The following RPTOR variants were observed in gnomAD, a reference collection of about 807,000 sequenced individuals.
RPTOR encodes regulatory-associated protein of mTOR.
In RPTOR, 21 loss-of-function variants were observed where a neutral mutation model predicts 169.9. The observed-to-expected ratio is 0.12, with a 90% CI of 0.09 to 0.18. The LOEUF is 0.18. Among genes scored for constraint, RPTOR ranks in the 10% least tolerant of loss-of-function variants. RPTOR has a pLI of 1.00. For synonymous variants in RPTOR, 732 were observed against 753.2 expected (o/e 0.97, Z 0.46); for missense variants, 1,133 against 1,855.9 (o/e 0.61, Z 7.16).
chr17:80,702,804 C>G lies in RPTOR; in HGVS notation c.349-5037C>G, dbSNP rs575749022. Among the ~76,000 whole-genome samples, 5 of 152,244 alleles carry G rather than the reference C, an allele frequency of 3.3e-5. No individual in the cohort carries two copies. In the East Asian group the frequency reaches 9.6e-4, roughly 29 times the overall value. On this transcript the variant is annotated intron_variant, in intron 3 of 33. Coordinates refer to ENST00000306801, the MANE Select transcript of RPTOR (RefSeq NM_020761.3). ...ATCTACCCCGTGGCCTTCTGTGTGG[C>G]GTGGAAGAACAGCACTCCTGTTCAG...
intron 17 of RPTOR, among the ~76,000 whole-genome samples, chr17:80,886,766 C>A (rs1009721621): frequency 9.9e-5 from 15 of 152,126 alleles, no homozygotes; most frequent in African/African-American, 2.7e-4. Flanking sequence ...AGATGTGGCC[C>A]GCGAGGACAC....
At chr17:80,738,430 T>G (rs2066453001) in intron 5 of RPTOR, among the ~76,000 whole-genome samples, 1 of 152,194 alleles carries the variant, frequency 6.6e-6, no homozygotes, top group African/African-American at 2.4e-5. Context: ...TAACTCCGAG[T>G]CCTAGAATTT....
At position 80,908,778 on chromosome 17, in the gene RPTOR, T is replaced by C. The variant is rs766734009; in HGVS notation, c.2402-33T>C. On this transcript the variant is annotated intron_variant, in intron 20 of 33. Coordinates refer to ENST00000306801, the MANE Select transcript of RPTOR (RefSeq NM_020761.3). Reference sequence around the variant, plus strand: ...TTAGGAGCCTCATTGGCAGCTACTTTCCACTAAAACATCTTCCATTTCTCT... The same window carrying C: ...TTAGGAGCCTCATTGGCAGCTACTTCCCACTAAAACATCTTCCATTTCTCT... 3.3e-6 allele frequency: 5 copies of C among 1,524,506 alleles called. No homozygotes were observed. In the South Asian group the frequency reaches 4.5e-5, roughly 14 times the overall value. 94.4% of individuals were successfully genotyped at this position (1,524,506 alleles called of 1,614,324 possible).
chr17:80,821,881 T>C (rs542226542), intron 7 of RPTOR, among the ~76,000 whole-genome samples: 2 of 152,224 alleles, frequency 1.3e-5, no homozygotes, highest in Non-Finnish European at 2.9e-5. Flanking sequence ...TGCCACAGAC[T>C]GCCCTTGGGG....
chr17:80,959,995 A>C lies in RPTOR; in HGVS notation c.3478-83A>C. 6.4e-7 allele frequency: 1 copy of C among 1,552,176 alleles called. No individual in the cohort carries two copies. The highest frequency in any genetic ancestry group is 1.4e-5 in the African/African-American group (1 of 73,864). Reference sequence around the variant, plus strand: ...TGATCCCCACAGCCAGGCAGGCAGCAAGAGGGGTCCTGGCGCTGCAGGACA... The same window carrying C: ...TGATCCCCACAGCCAGGCAGGCAGCCAGAGGGGTCCTGGCGCTGCAGGACA... On this transcript the variant is annotated intron_variant, in intron 29 of 33. Coordinates refer to ENST00000306801, the MANE Select transcript of RPTOR (RefSeq NM_020761.3). This position sits in a 1 kb window ranked among gnomAD's most constrained non-coding sequence, Gnocchi z 6.7.
At chr17:80,710,155 T>C (rs1443927830) in intron 4 of RPTOR, among the ~76,000 whole-genome samples, 1 of 152,074 alleles carries the variant, frequency 6.6e-6, no homozygotes, top group Non-Finnish European at 1.5e-5. Context: ...TTTTGTATTT[T>C]TGCTAATTTT....
rs902701713 is a variant in RPTOR, at chr17:80,664,269, C to T, written c.348+20459C>T. 2.0e-5 allele frequency among the ~76,000 whole-genome samples: 3 copies of T among 152,180 alleles called. No individual in the cohort carries two copies. In the South Asian group the frequency reaches 6.2e-4, roughly 32 times the overall value. On this transcript the variant is annotated intron_variant, in intron 3 of 33. Transcript: ENST00000306801. ...TTCTTAATGATTAAAAATACGATTT[C>T]TTCTTTAATGCCCAGCACAAATGCA...
At chr17:80,854,223 T>C (rs570724616) in intron 11 of RPTOR, among the ~76,000 whole-genome samples, 6 of 152,362 alleles carry the variant, frequency 3.9e-5, no homozygotes, top group African/African-American at 1.4e-4. Context: ...ACCTGTCCTT[T>C]TGGCTAATAA....
At chr17:80,923,834 G>A (rs956310332) in intron 23 of RPTOR, 161 bp downstream of exon 23, 16 of 765,772 alleles carry the variant, frequency 2.1e-5, no homozygotes, top group East Asian at 8.2e-5. Context: ...TTGCAGACCC[G>A]GGTGCTGGTC....
At chr17:80,853,262 C>T (rs2063786) in intron 11 of RPTOR, among the ~76,000 whole-genome samples, 129,097 of 152,116 alleles carry the variant, frequency 0.85, 55,123 homozygotes, top group South Asian at 0.9. Flanking sequence ...ACTGGTAGCC[C>T]GTGCATCCTC....
intron 20 of RPTOR, among the ~76,000 whole-genome samples, chr17:80,900,916 C>G (rs1010128258): frequency 2.6e-5 from 4 of 152,256 alleles, no homozygotes; most frequent in African/African-American, 4.8e-5. Flanking sequence ...CAGGTCCCCA[C>G]GCCCACAGCA....
In RPTOR at chr17:80,964,729, G is replaced by A; in HGVS notation, c.*399G>A. On this transcript the variant is annotated 3_prime_UTR_variant, in exon 34 of 34. Transcript: ENST00000306801. The stretch of plus-strand genomic sequence containing the variant: ...AGCCCTGGCGGAGAGGCAGGCGCTG[G>A]GGCTCCTACGGGTCCCTGGGGCAGC... 3.6e-6 allele frequency: 1 copy of A among 280,016 alleles called. No individual in the cohort carries two copies. The highest frequency in any genetic ancestry group is 5.3e-5 in the East Asian group (1 of 18,828). 17.3% of individuals were successfully genotyped at this position (280,016 alleles called of 1,614,324 possible).
At chr17:80,668,921 G>A (rs2065801224) in intron 3 of RPTOR, among the ~76,000 whole-genome samples, 1 of 152,354 alleles carries the variant, frequency 6.6e-6, no homozygotes, top group African/African-American at 2.4e-5. Context: ...TGTAAAGGAC[G>A]AGTTGAATAT....
At chr17:80,723,809 G>A (rs2066307071) in intron 4 of RPTOR, among the ~76,000 whole-genome samples, 1 of 151,432 alleles carries the variant, frequency 6.6e-6, no homozygotes, top group African/African-American at 2.5e-5. Context: ...GACTAAACAG[G>A]AGGTAAGGGA....
intron 1 of RPTOR, among the ~76,000 whole-genome samples, chr17:80,577,216 A>C (rs768353117): frequency 2.0e-5 from 3 of 151,876 alleles, no homozygotes; most frequent in Non-Finnish European, 4.4e-5. Context: ...TTTTTAGTAG[A>C]GATGGGTTTC....
chr17:80,713,192 C>T (rs1056056812), intron 4 of RPTOR, among the ~76,000 whole-genome samples: 1 of 152,142 alleles, frequency 6.6e-6, no homozygotes, highest in African/African-American at 2.4e-5. Context: ...CCTCAACCCC[C>T]GAAGTAGCAG....
At chr17:80,867,013 A>G (rs922554670) in intron 13 of RPTOR, among the ~76,000 whole-genome samples, 7 of 152,240 alleles carry the variant, frequency 4.6e-5, no homozygotes, top group African/African-American at 7.2e-5. Flanking sequence ...ATATTGTTCT[A>G]TGAGGCCAGC....
chr17:80,742,777 C>G lies in RPTOR; in HGVS notation c.655-11233C>G, dbSNP rs547630861. ...GCACATATAGACACGCACATGTATACATGTGCATACACACATGCACACGCC... is the reference window on the plus strand; with the variant it reads ...GCACATATAGACACGCACATGTATAGATGTGCATACACACATGCACACGCC... On this transcript the variant is annotated intron_variant, in intron 5 of 33. Coordinates refer to ENST00000306801, the MANE Select transcript of RPTOR (RefSeq NM_020761.3). Among the ~76,000 whole-genome samples, 10 of 152,140 alleles carry G rather than the reference C, an allele frequency of 6.6e-5. No individual in the cohort carries two copies. The East Asian group carries it at 1.9e-3, about 29-fold the overall frequency.
At chr17:80,709,054 A>G (rs1180311374) in intron 4 of RPTOR, 4 of 985,154 alleles carry the variant, frequency 4.1e-6, no homozygotes, top group African/African-American at 3.5e-5. Context: ...CAGAGCAGAG[A>G]CCTCGAGGAA....
Sources: allele counts gnomAD v4.1 joint callset (sites outside exome capture counted in the v4.1 genomes callset), GRCh38; gene constraint gnomAD v4.1.1; non-coding constraint Gnocchi (gnomAD v3.1); transcripts MANE v1.5; gene names NCBI Gene and HGNC (gene_info 2026-07-23, HGNC 2026-07-21).